MAPK14: variants seen among roughly 807,000 people sequenced by gnomAD.
The protein encoded by MAPK14 is CSAID-binding protein.
In MAPK14, 16 loss-of-function variants were observed where a neutral mutation model predicts 49.6. That is an observed-to-expected ratio of 0.32 (90% CI 0.22 to 0.49). The LOEUF (loss-of-function observed/expected upper bound fraction) is 0.49, where lower values mean the gene tolerates loss of function less well. MAPK14 is among the 20% of genes least tolerant of loss of function. MAPK14 has a pLI of 0.99. For missense variants in MAPK14, 200 were observed against 441.2 expected (o/e 0.45, Z 4.90); for synonymous variants, 142 against 158.0 (o/e 0.90, Z 0.76).
intron 9 of MAPK14, chr6:36,100,070 A>C (rs746384294): frequency 1.2e-5 from 8 of 692,616 alleles, no homozygotes; most frequent in Non-Finnish European, 1.6e-5. Context: ...GGGTAGGGGG[A>C]ATGGAGGGTA....
At chr6:36,055,215 A>G (rs1430616251) in intron 2 of MAPK14, among the ~76,000 whole-genome samples, 2 of 152,248 alleles carry the variant, frequency 1.3e-5, no homozygotes, top group Admixed American at 6.5e-5. Context: ...GTCTGGGCAG[A>G]CACTACAGAG....
intron 1 of MAPK14, among the ~76,000 whole-genome samples, chr6:36,030,178 T>G (rs1307441764): frequency 6.6e-6 from 1 of 152,134 alleles, no homozygotes; most frequent in Non-Finnish European, 1.5e-5. Context: ...TTGAATTGCT[T>G]GCAAGGGTTC....
chr6:36,070,326 C>T (rs1056041644), intron 3 of MAPK14, among the ~76,000 whole-genome samples: 1 of 152,118 alleles, frequency 6.6e-6, no homozygotes, highest in Non-Finnish European at 1.5e-5. Context: ...AGTTTTAGAT[C>T]CAACTCCTGA....
intron 3 of MAPK14, among the ~76,000 whole-genome samples, chr6:36,068,806 G>A (rs1189207789): frequency 6.6e-6 from 1 of 152,120 alleles, no homozygotes; most frequent in Non-Finnish European, 1.5e-5. Flanking sequence ...AAAATGGGGT[G>A]CTGTCTAGAG....
intron 1 of MAPK14, among the ~76,000 whole-genome samples, chr6:36,035,643 ATGAAAAGT>A (rs974024753): frequency 2.1e-4 from 32 of 152,382 alleles, no homozygotes; most frequent in African/African-American, 4.3e-4. Flanking sequence ...GTGAATGCAA[ATGAAAAGT>A]TTTTGAAGGA....
At chr6:36,052,103 T>C (rs902129212) in intron 1 of MAPK14, among the ~76,000 whole-genome samples, 1 of 152,198 alleles carries the variant, frequency 6.6e-6, no homozygotes, top group Non-Finnish European at 1.5e-5. Flanking sequence ...TATTCTGTTC[T>C]GCTCTTCCCC....
chr6:36,107,473 A>G lies in MAPK14; in HGVS notation c.860A>G (p.Lys287Arg). The change falls in exon 11 of 12, where the codon AAG (lysine) becomes AGG (arginine). Residue 287 changes from lysine (K) to arginine (R), a missense_variant. Lys to Arg is a conservative substitution (Grantham distance 26). Around this residue, in one of 2 missense-constraint regions of MAPK14, gnomAD observed 170 missense variants for 407.0 expected, o/e 0.42. Coordinates refer to ENST00000229794, the MANE Select transcript of MAPK14 (RefSeq NM_139012.3). The surrounding 1 kb of genome is among the most constrained non-coding windows in gnomAD (Gnocchi z 4.3). ...ANPLAVDLLE[K>R]MLVLDSDKRI... ...CTGATAGCTGTCGACTTGCTGGAGA[A>G]GATGCTTGTATTGGACTCAGATAAG... The G allele has an allele frequency of 6.5e-7, 1 of 1,548,288 alleles. No individual in the cohort carries two copies. The highest frequency in any genetic ancestry group is 1.3e-5 in the South Asian group (1 of 78,550).
intron 8 of MAPK14, among the ~76,000 whole-genome samples, chr6:36,090,570 G>T (rs1453103404): frequency 6.7e-6 from 1 of 148,270 alleles, no homozygotes; most frequent in Non-Finnish European, 1.5e-5. Context: ...CTGTCGCCCA[G>T]GCTGGAGTGC....
At chr6:36,073,798 A>G in intron 5 of MAPK14, 78 bp downstream of exon 5, 1 of 1,399,816 alleles carries the variant, frequency 7.1e-7, no homozygotes. Flanking sequence ...CCAAGATCCT[A>G]ATCTAAACTT....
chr6:36,072,774 A>T, intron 3 of MAPK14, 99 bp from the exon 4 acceptor site: 1 of 659,976 alleles, frequency 1.5e-6, no homozygotes, highest in Non-Finnish European at 2.6e-6. Context: ...AAAAACAAAA[A>T]CAAAAACCAA....
intron 1 of MAPK14, among the ~76,000 whole-genome samples, chr6:36,044,720 T>A (rs537425188): frequency 1.9e-4 from 29 of 151,182 alleles, no homozygotes; most frequent in African/African-American, 6.6e-4. Flanking sequence ...CAAAAGAAAA[T>A]TTTAAAAATA....
At chr6:36,088,488 T>C (rs949479861) in intron 8 of MAPK14, among the ~76,000 whole-genome samples, 4 of 152,068 alleles carry the variant, frequency 2.6e-5, no homozygotes, top group Non-Finnish European at 5.9e-5. Context: ...TTTGGGAGGC[T>C]GAGGCAGGTG....
chr6:36,048,808 G>A (rs1763285083), intron 1 of MAPK14, among the ~76,000 whole-genome samples: 1 of 152,206 alleles, frequency 6.6e-6, no homozygotes, highest in Non-Finnish European at 1.5e-5. Context: ...GGAGACATCA[G>A]GGCTCAGAGA....
At position 36,079,495 on chromosome 6, in the gene MAPK14, TA is replaced by T. The variant is rs545601747; in HGVS notation, c.682+2895del. ...ATACACTAATGATAGCCGATGAACT[TA>T]AAAAAAATTGCAAAAAAAAAATCTC... On this transcript the variant is annotated intron_variant, in intron 8 of 11. Transcript: ENST00000229794. Among the ~76,000 whole-genome samples the T allele has an allele frequency of 6.8e-3, 1,028 of 151,690 alleles. 9 individuals are homozygous for T. The highest frequency in any genetic ancestry group is 0.024 in the African/African-American group (974 of 41,356).
At chr6:36,056,842 AGAC>A (rs1389263964) in intron 2 of MAPK14, among the ~76,000 whole-genome samples, 2 of 152,256 alleles carry the variant, frequency 1.3e-5, no homozygotes, top group Non-Finnish European at 2.9e-5. Context: ...GTTAGCTTCT[AGAC>A]CTCAGTTACC....
chr6:36,028,317 C>G lies in MAPK14; in HGVS notation c.116+44C>G. 6.9e-7 allele frequency: 1 copy of G among 1,445,300 alleles called. No individual in the cohort carries two copies. Among genetic ancestry groups the G allele is most frequent in the Non-Finnish European group, 9.7e-7 (1 of 1,028,952 alleles). 89.5% of individuals were successfully genotyped at this position (1,445,300 alleles called of 1,614,324 possible). On this transcript the variant is annotated intron_variant, in intron 1 of 11. Transcript: ENST00000229794. This position sits in a 1 kb window ranked among gnomAD's most constrained non-coding sequence, Gnocchi z 5.1. Reference sequence around the variant, plus strand: ...GGGGCCGCTGTGGGCAGGGTGGCCCCTCGCGCCCGAGGGCCAGGCCTGCTC... The same window carrying G: ...GGGGCCGCTGTGGGCAGGGTGGCCCGTCGCGCCCGAGGGCCAGGCCTGCTC...
At chr6:36,098,591 A>G (rs1765528238) in intron 9 of MAPK14, among the ~76,000 whole-genome samples, 1 of 152,232 alleles carries the variant, frequency 6.6e-6, no homozygotes, top group Admixed American at 6.5e-5. Context: ...GACCTGACTC[A>G]TTCACATTTT....
chr6:36,035,376 T>C (rs545040497), intron 1 of MAPK14, among the ~76,000 whole-genome samples: 3 of 152,366 alleles, frequency 2.0e-5, no homozygotes, highest in African/African-American at 4.8e-5. Context: ...ATAAACATTG[T>C]GTGTGTTCTG....
intron 8 of MAPK14, among the ~76,000 whole-genome samples, chr6:36,088,602 G>T (rs1765086825): frequency 6.6e-6 from 1 of 151,830 alleles, no homozygotes; most frequent in Non-Finnish European, 1.5e-5. Flanking sequence ...TGCGCCTGTA[G>T]TCCCAGCTAC....
Sources: allele counts gnomAD v4.1 joint callset (sites outside exome capture counted in the v4.1 genomes callset), GRCh38; gene constraint gnomAD v4.1.1; regional missense constraint gnomAD v4.1.1; non-coding constraint Gnocchi (gnomAD v3.1); transcripts MANE v1.5; gene names NCBI Gene and HGNC (gene_info 2026-07-23, HGNC 2026-07-21).